PARP1: variants seen among roughly 807,000 people sequenced by gnomAD.
The protein encoded by PARP1 is poly(ADP-ribose) polymerase 1.
In PARP1, 44 loss-of-function variants were observed where a neutral mutation model predicts 118.7. The observed-to-expected ratio is 0.37, with a 90% CI of 0.29 to 0.48. The LOEUF (loss-of-function observed/expected upper bound fraction) is 0.48. Among genes scored for constraint, PARP1 ranks in the 20% least tolerant of loss-of-function variants. PARP1 has a pLI of 0.99. For synonymous variants in PARP1, 492 were observed against 483.2 expected (o/e 1.02, Z -0.24); for missense variants, 1,100 against 1,272.4 (o/e 0.86, Z 2.06).
intron 19 of PARP1, 50 bp from the exon 20 acceptor site, chr1:226,364,120 G>T: frequency 6.2e-7 from 1 of 1,605,146 alleles, no homozygotes; most frequent in South Asian, 1.1e-5. Context: ...GGGAAATTAG[G>T]AGCAGCTGTT....
intron 2 of PARP1, among the ~76,000 whole-genome samples, chr1:226,400,309 C>A (rs1665007800): frequency 6.6e-6 from 1 of 151,846 alleles, no homozygotes; most frequent in South Asian, 2.1e-4. Flanking sequence ...GAAAACAAAA[C>A]AAAAACAAAA....
intron 21 of PARP1, 136 bp downstream of exon 21, chr1:226,362,963 C>G: frequency 1.4e-6 from 1 of 718,708 alleles, no homozygotes; most frequent in Non-Finnish European, 2.6e-6. Flanking sequence ...CGCACACACA[C>G]CCCTCGAAAA....
chr1:226,394,365 A>G (rs538811381), intron 2 of PARP1, among the ~76,000 whole-genome samples: 1 of 152,340 alleles, frequency 6.6e-6, no homozygotes, highest in South Asian at 2.1e-4. Context: ...CTCCAAAAAA[A>G]GGAAACACTT....
Position 226,365,975 on chromosome 1 carries a change from C to A in PARP1, c.2484G>T (p.Ala828=). Reference sequence around the variant, plus strand: ...TTACATCGATGACTTCCAAGTCATACGCATTGTGTGTGGTTGCATGAGTGT... The same window carrying A: ...TTACATCGATGACTTCCAAGTCATAAGCATTGTGTGTGGTTGCATGAGTGT... The part of the protein sequence containing the change: ...VKNTHATTHN[A]YDLEVIDIFK... Residue 828 remains alanine, a synonymous_variant, in exon 18 of 23, where the codon GCG becomes GCT. Coordinates refer to ENST00000366794, the MANE Select transcript of PARP1 (RefSeq NM_001618.4). 1 of 1,610,872 alleles carries A rather than the reference C, an allele frequency of 6.2e-7. No homozygotes were observed. The highest frequency in any genetic ancestry group is 8.5e-7 in the Non-Finnish European group (1 of 1,177,104).
chr1:226,370,737 C>A (rs978584331), intron 14 of PARP1: 22 of 604,608 alleles, frequency 3.6e-5, no homozygotes, highest in Admixed American at 3.1e-4. Context: ...TCCTTTACGG[C>A]TGGGCTTAGC....
chr1:226,379,487 G>T, intron 11 of PARP1, 86 bp downstream of exon 11: 1 of 1,189,090 alleles, frequency 8.4e-7, no homozygotes, highest in Non-Finnish European at 1.3e-6. Context: ...CCCCAGGTAT[G>T]CTGCGGGCAT....
chr1:226,397,936 C>G (rs1393186236), intron 2 of PARP1, among the ~76,000 whole-genome samples: 1 of 149,920 alleles, frequency 6.7e-6, no homozygotes, highest in Non-Finnish European at 1.5e-5. Flanking sequence ...ACAAACGGAG[C>G]TGTAACAACT....
intron 1 of PARP1, among the ~76,000 whole-genome samples, chr1:226,402,717 G>T (rs1470075996): frequency 6.6e-6 from 1 of 152,252 alleles, no homozygotes; most frequent in Non-Finnish European, 1.5e-5. Context: ...ATTTAGTGGT[G>T]AGCTGCCTCA....
At chr1:226,361,580 C>G in intron 22 of PARP1, 39 bp from the exon 23 acceptor site, 3 of 1,407,332 alleles carry the variant, frequency 2.1e-6, no homozygotes, top group Non-Finnish European at 3.0e-6. Flanking sequence ...AGCCATACAA[C>G]AGAGGGTATG....
intron 4 of PARP1, among the ~76,000 whole-genome samples, 161 bp from the exon 5 acceptor site, chr1:226,388,916 C>G (rs1187852400): frequency 6.6e-6 from 1 of 152,126 alleles, no homozygotes; most frequent in African/African-American, 2.4e-5. Flanking sequence ...TGCCCTTAGG[C>G]GATCACTGTC....
intron 2 of PARP1, among the ~76,000 whole-genome samples, chr1:226,401,556 A>G (rs1665037534): frequency 6.6e-6 from 1 of 152,190 alleles, no homozygotes; most frequent in Non-Finnish European, 1.5e-5. Flanking sequence ...GATATGGCAC[A>G]CTGGTGGGTG....
chr1:226,379,558 G>A lies in PARP1; in HGVS notation c.1612+15C>T. The stretch of plus-strand genomic sequence containing the variant: ...GGCGGCACAGCCCACTTTGCTGGCA[G>A]TCCTGTTTGCTTACCAGAATCAGGA... On this transcript the variant is annotated intron_variant, in intron 11 of 22. Coordinates refer to ENST00000366794, the MANE Select transcript of PARP1 (RefSeq NM_001618.4). 1 of 1,604,588 alleles carries A rather than the reference G, an allele frequency of 6.2e-7. No homozygotes were observed. Among genetic ancestry groups the A allele is most frequent in the South Asian group, 1.1e-5 (1 of 90,704 alleles).
chr1:226,377,432 A>G lies in PARP1; in HGVS notation c.1746-129T>C, dbSNP rs371574902. The G allele has an allele frequency of 1.6e-4, 114 of 725,632 alleles. 2 individuals are homozygous for G. In the East Asian group the frequency reaches 1.9e-3, roughly 12 times the overall value. 44.9% of individuals were successfully genotyped at this position (725,632 alleles called of 1,614,324 possible). On this transcript the variant is annotated intron_variant, in intron 12 of 22. Coordinates refer to ENST00000366794, the MANE Select transcript of PARP1 (RefSeq NM_001618.4). The stretch of plus-strand genomic sequence containing the variant: ...ACACCCCAAAAGGATGGTGATTAAC[A>G]CAGAACAAACACAACTGCTATAACA...
chr1:226,385,343 C>T (rs188554542), intron 7 of PARP1, among the ~76,000 whole-genome samples, 161 bp downstream of exon 7: 27 of 152,312 alleles, frequency 1.8e-4, no homozygotes, highest in Non-Finnish European at 3.5e-4. Context: ...GCGTAGTTTG[C>T]AAACATGTAA....
chr1:226,392,943 T>C lies in PARP1; in HGVS notation c.287-629A>G. The C allele has an allele frequency of 1.9e-6, 3 of 1,573,172 alleles. 1 individual carries two copies. The South Asian group carries it at 3.6e-5, about 19-fold the overall frequency. ...TAAGATTAGGAATAAGACGAAGCTA[T>C]CTTCCCATCACTTCTATTCCACATG... On this transcript the variant is annotated intron_variant, in intron 2 of 22. Coordinates refer to ENST00000366794, the MANE Select transcript of PARP1 (RefSeq NM_001618.4).
Position 226,390,025 on chromosome 1 carries a change from G to T in PARP1, c.617+385C>A, listed in dbSNP as rs3219042. ...ACTAAAAATGGTCACCATTCTCCCA[G>T]CATTGTTCCGAATAGTGATCAACCC... is the stretch of plus-strand genomic sequence containing the variant. On this transcript the variant is annotated intron_variant, in intron 4 of 22. Transcript: ENST00000366794. Among the ~76,000 whole-genome samples the T allele has an allele frequency of 3.8e-4, 58 of 152,254 alleles. 1 individual carries two copies. In the South Asian group the frequency reaches 0.012, roughly 30 times the overall value.
intron 1 of PARP1, among the ~76,000 whole-genome samples, chr1:226,406,103 T>C (rs1206422951): frequency 2.6e-5 from 4 of 152,132 alleles, no homozygotes; most frequent in Admixed American, 2.6e-4. Flanking sequence ...TTTGTAGCAA[T>C]GAGAGTAAAT....
intron 15 of PARP1, 54 bp from the exon 16 acceptor site, chr1:226,368,375 C>T: frequency 1.9e-6 from 3 of 1,613,028 alleles, no homozygotes; most frequent in South Asian, 1.1e-5. Flanking sequence ...CTCCAAGCCC[C>T]CGGCCAGGCT....
Position 226,392,229 on chromosome 1 carries a change from C to G in PARP1, c.372G>C (p.Thr124=), listed in dbSNP as rs199514247. The G allele has an allele frequency of 1.2e-6, 2 of 1,613,460 alleles. No homozygotes were observed. The highest frequency in any genetic ancestry group is 3.3e-5 in the Admixed American group (2 of 60,014). Residue 124 remains threonine, a synonymous_variant, in exon 3 of 23, where the codon ACG becomes ACC. Transcript: ENST00000366794. The stretch of plus-strand genomic sequence containing the variant: ...CTATCTTCTCCATACACCCCTTGCA[C>G]GTACTTCTGTTGGACTTGGCATACT... The part of the protein sequence containing the change: ...AAEYAKSNRS[T]CKGCMEKIEK...
Sources: gnomAD v4.1 joint callset for allele counts (sites outside exome capture counted in the v4.1 genomes callset) on GRCh38, gnomAD v4.1.1 for gene constraint, MANE v1.5 for transcripts, NCBI Gene and HGNC (gene_info 2026-07-23, HGNC 2026-07-21) for gene names.